YIPF7: variants seen among roughly 807,000 people sequenced by gnomAD.
The protein encoded by YIPF7 is protein YIPF7.
YIPF7 carries 35 observed loss-of-function variants against 27.2 expected under a neutral mutation model. The ratio of observed to expected loss-of-function variants is 1.29; its 90% CI spans 0.98 to 1.70. YIPF7 has a LOEUF of 1.70. Ranked by LOEUF, YIPF7 falls within the 40% of genes most tolerant of loss-of-function variation. YIPF7 has a pLI of 0.00. For synonymous variants in YIPF7, 137 were observed against 110.4 expected (o/e 1.24, Z -1.51); for missense variants, 358 against 303.7 (o/e 1.18, Z -1.33).
At chr4:44,648,420 A>G (rs554349657) in intron 2 of YIPF7, among the ~76,000 whole-genome samples, 1 of 152,298 alleles carries the variant, frequency 6.6e-6, no homozygotes, top group Non-Finnish European at 1.5e-5. Flanking sequence ...CTCAACCTGT[A>G]GTGCCTAATT....
chr4:44,652,514 G>A (rs999765509), upstream of YIPF7, among the ~76,000 whole-genome samples: 2 of 152,196 alleles, frequency 1.3e-5, no homozygotes, highest in Admixed American at 6.5e-5. Flanking sequence ...ATCTTCAACT[G>A]GAGCCAACAG....
intron 5 of YIPF7, among the ~76,000 whole-genome samples, chr4:44,624,060 CTTT>C (rs1170920998): frequency 5.1e-5 from 7 of 137,152 alleles, no homozygotes; most frequent in African/African-American, 8.4e-5. Flanking sequence ...TTCTCTCTCT[CTTT>C]TTTTTTTTTT....
At chr4:44,623,026 T>G (rs1712496060) in intron 5 of YIPF7, among the ~76,000 whole-genome samples, 1 of 152,202 alleles carries the variant, frequency 6.6e-6, no homozygotes, top group African/African-American at 2.4e-5. Context: ...CAGATCTACT[T>G]TTCAGGTTTT....
intron 3 of YIPF7, among the ~76,000 whole-genome samples, chr4:44,631,466 C>A (rs1712895780): frequency 6.6e-6 from 1 of 152,086 alleles, no homozygotes; most frequent in Admixed American, 6.5e-5. Flanking sequence ...TTCTAATAAT[C>A]CCTATGACAC....
intron 3 of YIPF7, among the ~76,000 whole-genome samples, chr4:44,631,777 A>G (rs965547351): frequency 2.0e-5 from 3 of 152,172 alleles, no homozygotes; most frequent in Non-Finnish European, 4.4e-5. Context: ...AGAGAAGAAG[A>G]CTTTAAAAAT....
chr4:44,647,332 A>C (rs894678318), intron 2 of YIPF7, among the ~76,000 whole-genome samples: 1 of 152,096 alleles, frequency 6.6e-6, no homozygotes, highest in African/African-American at 2.4e-5. Context: ...TTAGGGAGAA[A>C]GTTTTTTCTC....
At chr4:44,644,720 T>C (rs947456687) in intron 2 of YIPF7, among the ~76,000 whole-genome samples, 20 of 152,078 alleles carry the variant, frequency 1.3e-4, no homozygotes, top group African/African-American at 4.8e-4. Context: ...AACTTTGAAA[T>C]GTGAGGACAT....
chr4:44,648,793 AT>A (rs1274287188), intron 2 of YIPF7, among the ~76,000 whole-genome samples: 2 of 152,146 alleles, frequency 1.3e-5, no homozygotes, highest in Non-Finnish European at 2.9e-5. Flanking sequence ...TATTATTAAT[AT>A]CCTTATTTTC....
At position 44,622,542 on chromosome 4, in the gene YIPF7, T is replaced by C. The variant is rs372470281; in HGVS notation, c.643A>G (p.Ile215Val). 6 of 1,613,716 alleles carry C rather than the reference T, an allele frequency of 3.7e-6. No homozygotes were observed. The African/African-American group carries it at 8.0e-5, about 22-fold the overall frequency. ...GAAGCTGAGAGACTACACCAGCCAA[T>C]GATGACCAGGGATGACATGATTCCA... ...IFGIMSSLVIIGWCSLSASKI... is the reference protein window; with the variant it reads ...IFGIMSSLVIVGWCSLSASKI... Residue 215 changes from isoleucine to valine, a missense_variant, in exon 6 of 6, where the codon ATT becomes GTT. Transcript: ENST00000415895.
intron 4 of YIPF7, 118 bp downstream of exon 4, chr4:44,629,285 C>T (rs903323557): frequency 7.4e-6 from 9 of 1,222,470 alleles, no homozygotes; most frequent in Non-Finnish European, 8.3e-6. Context: ...TATTCTCTCT[C>T]ACTTAAAAAA....
At chr4:44,634,239 G>C (rs1439244704) in intron 3 of YIPF7, among the ~76,000 whole-genome samples, 1 of 152,162 alleles carries the variant, frequency 6.6e-6, no homozygotes, top group African/African-American at 2.4e-5. Context: ...TTGCATAGAA[G>C]TGCTCGTGAC....
chr4:44,649,662 C>T (rs1713654672), intron 2 of YIPF7, among the ~76,000 whole-genome samples: 1 of 151,720 alleles, frequency 6.6e-6, no homozygotes, highest in Non-Finnish European at 1.5e-5. Flanking sequence ...GCCTATAATC[C>T]TAGCTACATG....
intron 2 of YIPF7, among the ~76,000 whole-genome samples, chr4:44,658,527 G>A (rs1268923343): frequency 6.6e-6 from 1 of 152,176 alleles, no homozygotes; most frequent in East Asian, 1.9e-4. Flanking sequence ...TAAGATCAGA[G>A]AAAAGCATCC....
intron 3 of YIPF7, among the ~76,000 whole-genome samples, chr4:44,635,264 G>A (rs185470979): frequency 2.0e-4 from 31 of 152,058 alleles, no homozygotes; most frequent in African/African-American, 7.0e-4. Context: ...AGCAAAAACA[G>A]CACATACAGA....
intron 2 of YIPF7, among the ~76,000 whole-genome samples, chr4:44,647,883 GGT>G (rs963799984): frequency 6.6e-6 from 1 of 150,840 alleles, no homozygotes; most frequent in Non-Finnish European, 1.5e-5. Context: ...GAGCTTTTAA[GGT>G]GTGTGTGTGG....
At chr4:44,633,415 G>A (rs1365919932) in intron 3 of YIPF7, among the ~76,000 whole-genome samples, 4 of 151,926 alleles carry the variant, frequency 2.6e-5, no homozygotes, top group African/African-American at 7.3e-5. Flanking sequence ...AACAAATGCT[G>A]CAGGAAAAAA....
intron 3 of YIPF7, 119 bp downstream of exon 3, chr4:44,635,803 T>C (rs1713093573): frequency 1.7e-6 from 2 of 1,187,110 alleles, no homozygotes; most frequent in South Asian, 1.9e-5. Context: ...ACTCTTGTTA[T>C]ATGTGAAACA....
intron 4 of YIPF7, among the ~76,000 whole-genome samples, chr4:44,626,763 C>CTTTTTTTTTTT (rs71190269): frequency 0.013 from 888 of 69,784 alleles, 209 homozygotes; most frequent in Non-Finnish European, 0.016. Context: ...ATTAGCACAT[C>CTTTTTTTTTTT]TTTTTTTTTT....
chr4:44,646,469 G>C (rs1352295368), intron 2 of YIPF7, among the ~76,000 whole-genome samples: 6 of 152,072 alleles, frequency 3.9e-5, no homozygotes, highest in Non-Finnish European at 7.4e-5. Context: ...ACCACTCAAA[G>C]GGATTTTTCC....
Sources: allele counts gnomAD v4.1 joint callset (sites outside exome capture counted in the v4.1 genomes callset), GRCh38; gene constraint gnomAD v4.1.1; transcripts MANE v1.5; gene names NCBI Gene and HGNC (gene_info 2026-07-23, HGNC 2026-07-21).